The following CCDC192 variants were observed in gnomAD, a reference collection of about 807,000 sequenced individuals.
CCDC192 encodes coiled-coil domain containing 192.
chr5:127,925,429 C>A (rs76571823), intron 6 of CCDC192, among the ~76,000 whole-genome samples: 3 of 152,188 alleles, frequency 2.0e-5, no homozygotes, highest in Admixed American at 6.5e-5. Flanking sequence ...AATTGAAAGA[C>A]GAGTATTCCA....
At chr5:127,938,006 C>G (rs1288668697) in intron 6 of CCDC192, among the ~76,000 whole-genome samples, 2 of 152,120 alleles carry the variant, frequency 1.3e-5, no homozygotes, top group Admixed American at 1.3e-4. Flanking sequence ...CCCCCTCCAC[C>G]CCTGCCCCCT....
At chr5:127,735,407 G>A (rs972017715) in intron 2 of CCDC192, among the ~76,000 whole-genome samples, 10 of 148,822 alleles carry the variant, frequency 6.7e-5, no homozygotes, top group African/African-American at 2.3e-4. Flanking sequence ...TCTTGGAAAT[G>A]TGGGCTCTTT....
At chr5:127,932,367 G>A (rs554436544) in intron 6 of CCDC192, among the ~76,000 whole-genome samples, 19 of 151,958 alleles carry the variant, frequency 1.3e-4, no homozygotes, top group African/African-American at 4.6e-4. Flanking sequence ...ACCACGCCCG[G>A]CTAATTTTGT....
rs1420731269 is a variant in CCDC192, at chr5:127,711,517, G to A, written c.114+3757G>A. Among the ~76,000 whole-genome samples the A allele has an allele frequency of 1.9e-4, 29 of 152,060 alleles. 1 individual carries two copies. The highest frequency in any genetic ancestry group is 1.8e-3 in the Admixed American group (28 of 15,262). ...ATTTGTGTCAAATTATATAAATTCT[G>A]TTCTTCTTTTAATACTTAGTGTAAT... On this transcript the variant is annotated intron_variant, in intron 2 of 6. Coordinates refer to ENST00000514853, the MANE Select transcript of CCDC192 (RefSeq NM_001317938.2).
intron 1 of CCDC192, among the ~76,000 whole-genome samples, chr5:127,707,111 G>A (rs1751012663): frequency 6.6e-6 from 1 of 152,176 alleles, no homozygotes; most frequent in African/African-American, 2.4e-5. Flanking sequence ...ACTAGTAGTG[G>A]TACTAGTCTA....
At chr5:127,703,365 G>A, upstream of CCDC192, 1 of 398,650 alleles carries the variant, frequency 2.5e-6, no homozygotes, top group East Asian at 3.6e-5. Flanking sequence ...CAGAGCAATA[G>A]CAGGGATTCT....
chr5:127,867,256 T>G lies in CCDC192; in HGVS notation c.412-8282T>G, dbSNP rs116165805. On this transcript the variant is annotated intron_variant, in intron 5 of 6. Transcript: ENST00000514853. Reference sequence around the variant, plus strand: ...TAAGTCACAGATGGCCAATAGCTATTAATTTTCTTCTGGAAGACAGCTTCA... The same window carrying G: ...TAAGTCACAGATGGCCAATAGCTATGAATTTTCTTCTGGAAGACAGCTTCA... Among the ~76,000 whole-genome samples the G allele has an allele frequency of 3.8e-3, 574 of 152,342 alleles. 1 individual carries two copies. Among genetic ancestry groups the G allele is most frequent in the Non-Finnish European group, 6.7e-3 (454 of 68,028 alleles).
At chr5:127,789,324 G>T (rs1005216762) in intron 3 of CCDC192, among the ~76,000 whole-genome samples, 3 of 152,134 alleles carry the variant, frequency 2.0e-5, no homozygotes, top group Non-Finnish European at 4.4e-5. Flanking sequence ...CCTCTTATTC[G>T]AGAAGACATA....
intron 6 of CCDC192, among the ~76,000 whole-genome samples, chr5:127,909,444 G>A (rs1055748838): frequency 5.3e-5 from 8 of 151,780 alleles, no homozygotes; most frequent in African/African-American, 1.9e-4. Flanking sequence ...ACTAGATTTA[G>A]ATAAACGTGT....
At chr5:127,869,959 G>A (rs1421127144) in intron 5 of CCDC192, among the ~76,000 whole-genome samples, 2 of 152,206 alleles carry the variant, frequency 1.3e-5, no homozygotes, top group Non-Finnish European at 2.9e-5. Flanking sequence ...GCACCTACCA[G>A]TGGTCATGTG....
rs141415693 is a variant in CCDC192, at chr5:127,889,962, G to A, written c.535+14301G>A. Among the ~76,000 whole-genome samples, 4 of 151,344 alleles carry A rather than the reference G, an allele frequency of 2.6e-5. No homozygotes were observed. The East Asian group carries it at 7.8e-4, about 29-fold the overall frequency. On this transcript the variant is annotated intron_variant, in intron 6 of 6. Coordinates refer to ENST00000514853, the MANE Select transcript of CCDC192 (RefSeq NM_001317938.2). The stretch of plus-strand genomic sequence containing the variant: ...TCCTTAACTAATCAATATGTCCCCT[G>A]ATGGATGTTTGCTTCCATCTGTTTT...
intron 1 of CCDC192, among the ~76,000 whole-genome samples, chr5:127,705,565 A>G (rs1401463122): frequency 3.9e-5 from 6 of 152,134 alleles, no homozygotes; most frequent in African/African-American, 1.4e-4. Flanking sequence ...TATATCATGA[A>G]CCATAATAAG....
In CCDC192 at chr5:127,733,768, T is replaced by A. The variant is rs115335844; in HGVS notation, c.115-20500T>A. On this transcript the variant is annotated intron_variant, in intron 2 of 6. Coordinates refer to ENST00000514853, the MANE Select transcript of CCDC192 (RefSeq NM_001317938.2). ...ATCACTGTAGCCTCTGAAAACAGAA[T>A]GACCCTGTCCACCAAGCCAGATTCC... Among the ~76,000 whole-genome samples the A allele has an allele frequency of 8.8e-3, 1,331 of 151,980 alleles. 19 individuals carry two copies. The highest frequency in any genetic ancestry group is 0.03 in the African/African-American group (1,239 of 41,486).
chr5:127,746,740 AC>A (rs1753769002), intron 2 of CCDC192, among the ~76,000 whole-genome samples: 1 of 151,968 alleles, frequency 6.6e-6, no homozygotes, highest in African/African-American at 2.4e-5. Flanking sequence ...CTAATGGCAA[AC>A]TTTTGAGGGT....
At chr5:127,845,427 C>A (rs1470943636) in intron 5 of CCDC192, among the ~76,000 whole-genome samples, 1 of 152,086 alleles carries the variant, frequency 6.6e-6, no homozygotes, top group South Asian at 2.1e-4. Context: ...GTGAATAGTA[C>A]TGAGGAGAGA....
At chr5:127,799,371 C>A (rs752003413) in intron 5 of CCDC192, among the ~76,000 whole-genome samples, 9 of 152,050 alleles carry the variant, frequency 5.9e-5, no homozygotes, top group Non-Finnish European at 1.2e-4. Context: ...TTCAATTGTC[C>A]AATATTGAAA....
intron 3 of CCDC192, among the ~76,000 whole-genome samples, chr5:127,780,432 C>T (rs1756142681): frequency 6.6e-6 from 1 of 152,162 alleles, no homozygotes; most frequent in Non-Finnish European, 1.5e-5. Context: ...AATTTACATT[C>T]TCACCAGCAG....
chr5:127,750,848 C>G (rs1451561485), intron 2 of CCDC192, among the ~76,000 whole-genome samples: 81 of 151,558 alleles, frequency 5.3e-4, no homozygotes, highest in East Asian at 9.7e-4. Context: ...TTGTTGAATT[C>G]ATCCCTTTAC....
intron 2 of CCDC192, among the ~76,000 whole-genome samples, chr5:127,709,132 A>G (rs1751144509): frequency 8.3e-6 from 1 of 120,758 alleles, no homozygotes; most frequent in Non-Finnish European, 1.7e-5. Context: ...AGGGAGAGGG[A>G]GAGGGAGGAG....
Sources: allele counts gnomAD v4.1 joint callset (sites outside exome capture counted in the v4.1 genomes callset), GRCh38; gene constraint gnomAD v4.1.1; transcripts MANE v1.5; gene names NCBI Gene and HGNC (gene_info 2026-07-23, HGNC 2026-07-21).